The following ERGIC1 variants were observed in gnomAD, a reference collection of about 807,000 sequenced individuals.
The protein encoded by ERGIC1 is endoplasmic reticulum-golgi intermediate compartment 1.
A neutral mutation model predicts 38.3 loss-of-function variants in ERGIC1; 19 were observed. That is an observed-to-expected ratio of 0.50 (90% CI 0.35 to 0.73). The LOEUF is 0.73. Among genes scored for constraint, ERGIC1 ranks in the 30% least tolerant of loss-of-function variants. The pLI is 0.01. For synonymous variants in ERGIC1, 124 were observed against 157.6 expected, an observed-to-expected ratio of 0.79 and a Z score of 1.60; for missense variants, 294 against 389.2, an observed-to-expected ratio of 0.76 and a Z score of 2.06.
At chr5:172,847,996 G>T (rs1761319501) in intron 1 of ERGIC1, among the ~76,000 whole-genome samples, 1 of 152,236 alleles carries the variant, frequency 6.6e-6, no homozygotes, top group African/African-American at 2.4e-5. Flanking sequence ...TGGTGAAGTT[G>T]CTGGGTTTGT....
At chr5:172,871,326 C>G (rs74897974) in intron 1 of ERGIC1, among the ~76,000 whole-genome samples, 1 of 152,302 alleles carries the variant, frequency 6.6e-6, no homozygotes, top group Non-Finnish European at 1.5e-5. Context: ...CTCCCTGCCT[C>G]GAGGCCTTTG....
chr5:172,857,945 C>G (rs554510185), intron 1 of ERGIC1, among the ~76,000 whole-genome samples: 1 of 152,166 alleles, frequency 6.6e-6, no homozygotes, highest in Admixed American at 6.5e-5. Context: ...CCAGGCACTG[C>G]GAGACTCGGT....
chr5:172,852,452 G>T (rs1045035542), intron 1 of ERGIC1, among the ~76,000 whole-genome samples: 2 of 152,166 alleles, frequency 1.3e-5, no homozygotes, highest in African/African-American at 4.8e-5. Context: ...AGGCAGGGAG[G>T]TCTCCCTTTT....
chr5:172,864,250 CAAT>C (rs1761793466), intron 1 of ERGIC1, among the ~76,000 whole-genome samples: 1 of 144,320 alleles, frequency 6.9e-6, no homozygotes, highest in South Asian at 2.2e-4. Flanking sequence ...CACACAATGA[CAAT>C]AAATATTTTG....
chr5:172,867,068 C>A, intron 1 of ERGIC1: 2 of 426,578 alleles, frequency 4.7e-6, no homozygotes, highest in Non-Finnish European at 9.6e-6. Flanking sequence ...AGATGGAGAG[C>A]AGTGGCCATG....
rs887721623 is a variant in ERGIC1, at chr5:172,834,513, G to A, written c.20+80G>A. 9 of 1,220,982 alleles carry A rather than the reference G, an allele frequency of 7.4e-6. No individual in the cohort carries two copies. The African/African-American group carries it at 1.1e-4, about 15-fold the overall frequency. The allele number at this position is 1,220,982 out of a possible 1,614,324, so 75.6% of individuals were successfully genotyped here. On this transcript the variant is annotated intron_variant, in intron 1 of 9. Coordinates refer to ENST00000393784, the MANE Select transcript of ERGIC1 (RefSeq NM_001031711.3). The surrounding 1 kb of genome is among the most constrained non-coding windows in gnomAD (Gnocchi z 4.1). ...CCCCGGCACGCCGCGGACCCCTCCC[G>A]CCCTGCATGCAAAAGCGGCTCCCCG...
chr5:172,941,441 C>T (rs990883627), intron 9 of ERGIC1, among the ~76,000 whole-genome samples: 2 of 152,110 alleles, frequency 1.3e-5, no homozygotes, highest in African/African-American at 2.4e-5. Context: ...AACTGAGGCT[C>T]AGAGAGGTGA....
chr5:172,862,670 T>G (rs1458898093), intron 1 of ERGIC1, among the ~76,000 whole-genome samples: 1 of 152,196 alleles, frequency 6.6e-6, no homozygotes, highest in East Asian at 1.9e-4. Flanking sequence ...AACCTCAAAT[T>G]TGGGACGTCC....
chr5:172,932,569 C>T (rs1412603918), intron 8 of ERGIC1, 33 bp downstream of exon 8: 8 of 1,598,778 alleles, frequency 5.0e-6, no homozygotes, highest in Admixed American at 1.7e-5. Context: ...GAGCTGTGTG[C>T]GGCGGCGCCC....
chr5:172,840,055 T>C (rs991152984), intron 1 of ERGIC1, among the ~76,000 whole-genome samples: 6 of 152,232 alleles, frequency 3.9e-5, no homozygotes, highest in Admixed American at 3.9e-4. Context: ...ATCAACTTTT[T>C]TCCCCCTAGC....
intron 7 of ERGIC1, among the ~76,000 whole-genome samples, chr5:172,930,825 T>G (rs1398140083): frequency 6.6e-6 from 1 of 152,194 alleles, no homozygotes; most frequent in South Asian, 2.1e-4. Context: ...GGCGGGATGC[T>G]CCTGGAAAGA....
At chr5:172,944,239 AC>A in intron 9 of ERGIC1, among the ~76,000 whole-genome samples, 1 of 151,866 alleles carries the variant, frequency 6.6e-6, no homozygotes, top group Non-Finnish European at 1.5e-5. Flanking sequence ...GGAAGATCCC[AC>A]CCTAGGTTGT....
intron 1 of ERGIC1, among the ~76,000 whole-genome samples, chr5:172,836,957 G>T (rs1445483215): frequency 6.6e-6 from 1 of 152,194 alleles, no homozygotes; most frequent in African/African-American, 2.4e-5. Flanking sequence ...TGGTGGATCT[G>T]GGATTTGAAC....
chr5:172,846,113 A>G lies in ERGIC1; in HGVS notation c.20+11680A>G, dbSNP rs1403828418. Among the ~76,000 whole-genome samples, 1 of 152,234 alleles carries G rather than the reference A, an allele frequency of 6.6e-6. No individual in the cohort carries two copies. The highest frequency in any genetic ancestry group is 1.5e-5 in the Non-Finnish European group (1 of 68,012). ...TTCTCAGCACATCCCATGGGGGTCC[A>G]TGGCATCCATTTGACCTCTCTGGCG... On this transcript the variant is annotated intron_variant, in intron 1 of 9. Transcript: ENST00000393784. This position sits in a 1 kb window ranked among gnomAD's most constrained non-coding sequence, Gnocchi z 4.0.
chr5:172,900,443 A>G (rs1329215806), intron 3 of ERGIC1, among the ~76,000 whole-genome samples: 1 of 152,080 alleles, frequency 6.6e-6, no homozygotes, highest in Non-Finnish European at 1.5e-5. Context: ...GCAGTGGCTC[A>G]CACCTGTAAT....
At chr5:172,928,144 C>T (rs956230279) in intron 7 of ERGIC1, among the ~76,000 whole-genome samples, 4 of 152,164 alleles carry the variant, frequency 2.6e-5, no homozygotes, top group Admixed American at 1.3e-4. Flanking sequence ...TCTGCAGCTA[C>T]GATGGACCCT....
rs531048724 is a variant in ERGIC1, at chr5:172,868,240, G to A, written c.21-20459G>A. 4.6e-5 allele frequency among the ~76,000 whole-genome samples: 7 copies of A among 152,292 alleles called. No individual in the cohort carries two copies. In the South Asian group the frequency reaches 8.3e-4, roughly 18 times the overall value. On this transcript the variant is annotated intron_variant, in intron 1 of 9. Coordinates refer to ENST00000393784, the MANE Select transcript of ERGIC1 (RefSeq NM_001031711.3). ...CATTTTACAGATGTAAAACACTGGC[G>A]GTTCAGAGAAAAATCTGTCCAAAGT...
intron 1 of ERGIC1, 30 bp from the exon 2 acceptor site, chr5:172,888,669 C>G: frequency 6.2e-7 from 1 of 1,606,644 alleles, no homozygotes; most frequent in East Asian, 2.2e-5. Flanking sequence ...TTTGTGCCCA[C>G]CTCACTCCTG....
At chr5:172,866,393 GCCTAATTTCCTGTGT>G (rs1371459189) in intron 1 of ERGIC1, among the ~76,000 whole-genome samples, 1 of 152,152 alleles carries the variant, frequency 6.6e-6, no homozygotes, top group African/African-American at 2.4e-5. Context: ...CCTCTTTCTG[GCCTAATTTCCTGTGT>G]CCACTGGTGC....
Sources: allele counts gnomAD v4.1 joint callset (sites outside exome capture counted in the v4.1 genomes callset), GRCh38; gene constraint gnomAD v4.1.1; non-coding constraint Gnocchi (gnomAD v3.1); transcripts MANE v1.5; gene names NCBI Gene and HGNC (gene_info 2026-07-23, HGNC 2026-07-21).